The following OR5M1 variants were observed in gnomAD, a reference collection of about 807,000 sequenced individuals.
OR5M1 encodes olfactory receptor family 5 subfamily M member 1, also known as olfactory receptor 5M1.
For missense variants in OR5M1, 367 were observed against 379.5 expected (o/e 0.97, Z 0.27); for synonymous variants, 165 against 144.2 (o/e 1.14, Z -1.04).
chr11:56,611,451 AT>A lies in OR5M1; in HGVS notation c.*1103del, dbSNP rs1365163424. 6.6e-6 allele frequency: 1 copy of A among 152,114 alleles called. No individual in the cohort carries two copies. Among genetic ancestry groups the A allele is most frequent in the African/African-American group, 2.4e-5 (1 of 41,434 alleles). 9.4% of individuals were successfully genotyped at this position (152,114 alleles called of 1,614,324 possible). A position where few individuals can be genotyped will look rare whatever the true frequency, so the allele number is the denominator to read the frequency against. On this transcript the variant is annotated 3_prime_UTR_variant, in exon 2 of 2. Coordinates refer to ENST00000641076, the MANE Select transcript of OR5M1 (RefSeq NM_001004740.2). ...ATATAGTAGTTGATATCATACAGAC[AT>A]TTTCTGTAGCATATTCTGTATGGTG...
chr11:56,609,882 ATTAAGGT>A lies in OR5M1; in HGVS notation c.*2666_*2672del, dbSNP rs2134956107. On this transcript the variant is annotated 3_prime_UTR_variant, in exon 2 of 2. Coordinates refer to ENST00000641076, the MANE Select transcript of OR5M1 (RefSeq NM_001004740.2). ...TACAATTGATATGTATTATTATTGTATTAAGGTCATATGATCTAACTATTATATGACA... is the reference window on the plus strand; with the variant it reads ...TACAATTGATATGTATTATTATTGTACATATGATCTAACTATTATATGACA... 1 of 152,154 alleles carries A rather than the reference ATTAAGGT, an allele frequency of 6.6e-6. No homozygotes were observed. Among genetic ancestry groups the A allele is most frequent in the Non-Finnish European group, 1.5e-5 (1 of 67,900 alleles). 9.4% of individuals were successfully genotyped at this position (152,154 alleles called of 1,614,324 possible).
chr11:56,613,164 G>C lies in OR5M1; in HGVS notation c.339C>G (p.Tyr113Ter). 1.2e-6 allele frequency: 2 copies of C among 1,613,920 alleles called. No homozygotes were observed. Among genetic ancestry groups the C allele is most frequent in the African/African-American group, 2.7e-5 (2 of 75,046 alleles). Reference sequence around the variant, plus strand: ...GATCCAATGCCATTGAAGCAAGGATGTAAAACTCAGTGATCACCAGGGCGA... The same window carrying C: ...GATCCAATGCCATTGAAGCAAGGATCTAAAACTCAGTGATCACCAGGGCGA... Reference protein sequence around the residue: ...LFIALVITEFYILASMALDRY... With the variant: ...LFIALVITEF The change falls in exon 2 of 2, where the codon TAC becomes TAG. Residue 113 changes from tyrosine to a stop codon, truncating the protein, a stop_gained. Transcript: ENST00000641076. LOFTEE classifies it low-confidence loss of function (END_TRUNC).
rs1565024171 is a variant in OR5M1 at position 56,613,479 on chromosome 11, T to C, written c.24A>G (p.Ile8Met). The change falls in exon 2 of 2, where the codon ATA becomes ATG. Residue 8 changes from isoleucine (I) to methionine (M), a missense_variant. Coordinates refer to ENST00000641076, the MANE Select transcript of OR5M1 (RefSeq NM_001004740.2). MFSPNHT[I>M]VTEFILLGLT... is the part of the protein sequence containing the mutation. ...GTCCCAAGAGAATGAATTCTGTCACTATGGTGTGGTTTGGGGAGAACATCT... is the reference window on the plus strand; with the variant it reads ...GTCCCAAGAGAATGAATTCTGTCACCATGGTGTGGTTTGGGGAGAACATCT... 1.2e-6 allele frequency: 2 copies of C among 1,613,562 alleles called. No individual in the cohort carries two copies. Among genetic ancestry groups the C allele is most frequent in the South Asian group, 2.2e-5 (2 of 91,070 alleles).
chr11:56,609,488 C>A lies in OR5M1; in HGVS notation c.*3067G>T, dbSNP rs567750728. On this transcript the variant is annotated 3_prime_UTR_variant, in exon 2 of 2. Transcript: ENST00000641076. ...AAGCAAATAACCATAAACAAGAGCT[C>A]CTACTACTGATAGAGTTATAGTGAA... 1 of 151,890 alleles carries A rather than the reference C, an allele frequency of 6.6e-6. No homozygotes were observed. Among genetic ancestry groups the A allele is most frequent in the Non-Finnish European group, 1.5e-5 (1 of 67,844 alleles). The allele number at this position is 151,890 out of a possible 1,614,324, so 9.4% of individuals were successfully genotyped here. A position where few individuals can be genotyped will look rare whatever the true frequency, so the allele number is the denominator to read the frequency against.
In OR5M1 at chr11:56,612,600, C is replaced by T. The variant is rs367895936; in HGVS notation, c.903G>A (p.Met301Ile). 18 of 1,606,256 alleles carry T rather than the reference C, an allele frequency of 1.1e-5. No homozygotes were observed. The highest frequency in any genetic ancestry group is 1.1e-4 in the African/African-American group (8 of 74,640). Residue 301 changes from methionine to isoleucine, a missense_variant, in exon 2 of 2, where the codon ATG (methionine) becomes ATA (isoleucine). By Grantham distance (10) the Met-to-Ile change is conservative. Coordinates refer to ENST00000641076, the MANE Select transcript of OR5M1 (RefSeq NM_001004740.2). ...AGGATTTTCCCCTAATCATTTGTTG[C>T]ATGGCAAGGATTACATCTGTGTTCC... ...SLRNTDVILA[M>I]QQMIRGKSFH...
Position 56,612,636 on chromosome 11 carries a change from G to T in OR5M1, c.867C>A (p.Ile289=). 6.2e-7 allele frequency: 1 copy of T among 1,613,600 alleles called. No homozygotes were observed. The change falls in exon 2 of 2, where the codon ATC becomes ATA. Residue 289 remains isoleucine, a synonymous_variant. Transcript: ENST00000641076. ...TFLSPMLNPL[I]YSLRNTDVIL... ...TTACATCTGTGTTCCGTAGGCTATA[G>T]ATCAATGGGTTCAGCATTGGGCTCA...
At position 56,613,398 on chromosome 11, in the gene OR5M1, G is replaced by A. The variant is rs377077174; in HGVS notation, c.105C>T (p.Tyr35=). Residue 35 remains tyrosine (Y), a synonymous_variant, in exon 2 of 2, where the codon TAC becomes TAT. Coordinates refer to ENST00000641076, the MANE Select transcript of OR5M1 (RefSeq NM_001004740.2). ...KILFGVFLAI[Y]LITLAGNLCM... ...ACAGGTTGCCTGCCAGTGTGATTAG[G>A]TAGATCGCAAGGAATACCCCAAACA... 8.3e-5 allele frequency: 134 copies of A among 1,613,662 alleles called. 1 individual carries two copies. The African/African-American group carries it at 1.5e-3, about 18-fold the overall frequency.
At position 56,610,612 on chromosome 11, in the gene OR5M1, T is replaced by C. The variant is rs1456016854; in HGVS notation, c.*1943A>G. The C allele has an allele frequency of 6.6e-6, 1 of 152,116 alleles. No individual in the cohort carries two copies. The highest frequency in any genetic ancestry group is 1.5e-5 in the Non-Finnish European group (1 of 67,982). 9.4% of individuals were successfully genotyped at this position (152,116 alleles called of 1,614,324 possible). A position where few individuals can be genotyped will look rare whatever the true frequency, so the allele number is the denominator to read the frequency against. On this transcript the variant is annotated 3_prime_UTR_variant, in exon 2 of 2. Transcript: ENST00000641076. ...GTTGTAAATGGAGATAATAATTCTCTCATTATTTCATTTATGAAGATTAAA... is the reference window on the plus strand; with the variant it reads ...GTTGTAAATGGAGATAATAATTCTCCCATTATTTCATTTATGAAGATTAAA...
In OR5M1 at chr11:56,610,629, A is replaced by T. The variant is rs1039465487; in HGVS notation, c.*1926T>A. The T allele has an allele frequency of 3.3e-5, 5 of 152,102 alleles. No individual in the cohort carries two copies. The highest frequency in any genetic ancestry group is 5.9e-5 in the Non-Finnish European group (4 of 67,990). 9.4% of individuals were successfully genotyped at this position (152,102 alleles called of 1,614,324 possible). On this transcript the variant is annotated 3_prime_UTR_variant, in exon 2 of 2. Transcript: ENST00000641076. ...TAATTCTCTCATTATTTCATTTATG[A>T]AGATTAAAATAAAGTGTTCCTAAAA...
rs199669272 is a variant in OR5M1 at position 56,613,009 on chromosome 11, T to C, written c.494A>G (p.His165Arg). ...TTCAAGGGAGCCACAGAAGGATAAG[T>C]GAAAGGTTAGCAGTGACTGAGAGAA... The part of the protein sequence containing the change: ...SGFSQSLLTF[H>R]LSFCGSLEIN... The change falls in exon 2 of 2, where the codon CAC becomes CGC. Residue 165 changes from histidine to arginine, a missense_variant. By Grantham distance (29) the His-to-Arg change is conservative. Transcript: ENST00000641076. 103 of 1,613,510 alleles carry C rather than the reference T, an allele frequency of 6.4e-5. 1 individual carries two copies. The African/African-American group carries it at 9.9e-4, about 15-fold the overall frequency.
At position 56,613,084 on chromosome 11, in the gene OR5M1, A is replaced by G. The variant is rs747826057; in HGVS notation, c.419T>C (p.Ile140Thr). 7 of 1,613,796 alleles carry G rather than the reference A, an allele frequency of 4.3e-6. No homozygotes were observed. The highest frequency in any genetic ancestry group is 5.9e-6 in the Non-Finnish European group (7 of 1,179,808). Residue 140 changes from isoleucine to threonine, a missense_variant, in exon 2 of 2, where the codon ATC (isoleucine) becomes ACC (threonine). By Grantham distance (89) the Ile-to-Thr change is moderately conservative. Transcript: ENST00000641076. Reference sequence around the variant, plus strand: ...AGGGATAGTGACCAGACAGACACAGATGTTCTTGGACATCCTGGAACTGTA... The same window carrying G: ...AGGGATAGTGACCAGACAGACACAGGTGTTCTTGGACATCCTGGAACTGTA... ...LHYSSRMSKNICVCLVTIPYM... is the reference protein window; with the variant it reads ...LHYSSRMSKNTCVCLVTIPYM...
chr11:56,613,459 A>G lies in OR5M1; in HGVS notation c.44T>C (p.Leu15Ser), dbSNP rs1197606359. The G allele has an allele frequency of 1.9e-6, 3 of 1,613,640 alleles. No homozygotes were observed. Among genetic ancestry groups the G allele is most frequent in the Non-Finnish European group, 2.5e-6 (3 of 1,179,634 alleles). The change falls in exon 2 of 2, where the codon TTG becomes TCG. Residue 15 changes from leucine to serine, a missense_variant. Leu to Ser is a moderately radical substitution (Grantham distance 145, BLOSUM62 -2). Transcript: ENST00000641076. Reference sequence around the variant, plus strand: ...TAGCACTGGGTCGTCTGTCAGTCCCAAGAGAATGAATTCTGTCACTATGGT... The same window carrying G: ...TAGCACTGGGTCGTCTGTCAGTCCCGAGAGAATGAATTCTGTCACTATGGT... ...NHTIVTEFIL[L>S]GLTDDPVLEK...
chr11:56,612,740 G>A lies in OR5M1; in HGVS notation c.763C>T (p.Leu255Phe), dbSNP rs372953805. The change falls in exon 2 of 2, where the codon CTC (leucine) becomes TTC (phenylalanine). Residue 255 changes from leucine to phenylalanine, a missense_variant. Coordinates refer to ENST00000641076, the MANE Select transcript of OR5M1 (RefSeq NM_001004740.2). ...GGAGGCCTTACGTACATGCAGAAGA[G>A]GGTTCCATAAAACAAAGTGACTATT... is the stretch of plus-strand genomic sequence containing the variant. ...LTIVTLFYGT[L>F]FCMYVRPPSE... The A allele has an allele frequency of 3.1e-6, 5 of 1,613,564 alleles. No individual in the cohort carries two copies. The African/African-American group carries it at 5.3e-5, about 17-fold the overall frequency.
Position 56,613,483 on chromosome 11 carries a change from G to T in OR5M1, c.20C>A (p.Thr7Asn), listed in dbSNP as rs202193331. The T allele has an allele frequency of 1.9e-6, 3 of 1,613,466 alleles. No homozygotes were observed. Among genetic ancestry groups the T allele is most frequent in the Non-Finnish European group, 2.5e-6 (3 of 1,179,504 alleles). The change falls in exon 2 of 2, where the codon ACC becomes AAC. Residue 7 changes from threonine (T) to asparagine (N), a missense_variant. By Grantham distance (65) the Thr-to-Asn change is moderately conservative (BLOSUM62 0). Transcript: ENST00000641076. ...CAAGAGAATGAATTCTGTCACTATG[G>T]TGTGGTTTGGGGAGAACATCTTCTT... Reference protein sequence around the residue: MFSPNHTIVTEFILLGL... With the variant: MFSPNHNIVTEFILLGL...
In OR5M1 at chr11:56,612,898, A is replaced by G. The variant is rs777429022; in HGVS notation, c.605T>C (p.Val202Ala). 2.5e-6 allele frequency: 4 copies of G among 1,613,774 alleles called. No homozygotes were observed. Among genetic ancestry groups the G allele is most frequent in the African/African-American group, 2.7e-5 (2 of 75,048 alleles). ...TRVKKMAMFV[V>A]AGFNLSSSLF... is the part of the protein sequence containing the mutation. The stretch of plus-strand genomic sequence containing the variant: ...AGAGCTTGAGAGATTAAAGCCTGCA[A>G]CTACAAACATTGCCATCTTTTTGAC... The change falls in exon 2 of 2, where the codon GTT becomes GCT. Residue 202 changes from valine to alanine, a missense_variant. Coordinates refer to ENST00000641076, the MANE Select transcript of OR5M1 (RefSeq NM_001004740.2).
In OR5M1 at chr11:56,610,005, A is replaced by G. The variant is rs531595386; in HGVS notation, c.*2550T>C. The G allele has an allele frequency of 2.0e-5, 3 of 152,062 alleles. No homozygotes were observed. The highest frequency in any genetic ancestry group is 2.9e-5 in the Non-Finnish European group (2 of 67,910). 9.4% of individuals were successfully genotyped at this position (152,062 alleles called of 1,614,324 possible). On this transcript the variant is annotated 3_prime_UTR_variant, in exon 2 of 2. Coordinates refer to ENST00000641076, the MANE Select transcript of OR5M1 (RefSeq NM_001004740.2). ...ATCAGTGTTCAAATTTGTATATGATAAGTGATTTCACATTTGCTTGATGCA... is the reference window on the plus strand; with the variant it reads ...ATCAGTGTTCAAATTTGTATATGATGAGTGATTTCACATTTGCTTGATGCA...
In OR5M1 at chr11:56,613,292, T is replaced by C. The variant is rs777801436; in HGVS notation, c.211A>G (p.Ile71Val). 3 of 1,613,668 alleles carry C rather than the reference T, an allele frequency of 1.9e-6. No individual in the cohort carries two copies. Among genetic ancestry groups the C allele is most frequent in the East Asian group, 4.5e-5 (2 of 44,878 alleles). ...FFLGHLSFVD[I>V]CYSSNVTPNM... The stretch of plus-strand genomic sequence containing the variant: ...GGAGTAACATTGGAAGAATAGCAAA[T>C]GTCTACAAAGGAGAGGTGGCCAAGG... The change falls in exon 2 of 2, where the codon ATT becomes GTT. Residue 71 changes from isoleucine to valine, a missense_variant. Transcript: ENST00000641076.
Position 56,612,473 on chromosome 11 carries a change from A to G in OR5M1, c.*82T>C, listed in dbSNP as rs927512902. 2.0e-6 allele frequency: 2 copies of G among 1,007,864 alleles called. No homozygotes were observed. Among genetic ancestry groups the G allele is most frequent in the African/African-American group, 3.2e-5 (2 of 61,922 alleles). 62.4% of individuals were successfully genotyped at this position (1,007,864 alleles called of 1,614,324 possible). A position where few individuals can be genotyped will look rare whatever the true frequency, so the allele number is the denominator to read the frequency against. ...ACTGACAGTCCATGATGTTAAATAAATCACGACTACACTAGGTTTTTCCAT... is the reference window on the plus strand; with the variant it reads ...ACTGACAGTCCATGATGTTAAATAAGTCACGACTACACTAGGTTTTTCCAT... On this transcript the variant is annotated 3_prime_UTR_variant, in exon 2 of 2. Coordinates refer to ENST00000641076, the MANE Select transcript of OR5M1 (RefSeq NM_001004740.2).
At chr11:56,613,593 C>T in intron 1 of OR5M1, 74 bp from the exon 2 acceptor site, 1 of 1,168,248 alleles carries the variant, frequency 8.6e-7, no homozygotes, top group South Asian at 1.5e-5. Flanking sequence ...TTATCATTCG[C>T]TCATTCATCT....
Sources: allele counts gnomAD v4.1 joint callset, GRCh38; gene constraint gnomAD v4.1.1; transcripts MANE v1.5; gene names NCBI Gene and HGNC (gene_info 2026-07-23, HGNC 2026-07-21).